The following ADGRF1 variants were observed in gnomAD, a reference collection of about 807,000 sequenced individuals.
ADGRF1 encodes the protein adhesion G protein-coupled receptor F1.
A neutral mutation model predicts 87.2 loss-of-function variants in ADGRF1; 85 were observed. The observed-to-expected ratio is 0.97, with a 90% CI of 0.82 to 1.17. ADGRF1 has a LOEUF of 1.17. Ranked by LOEUF, ADGRF1 falls within the 50% of genes most tolerant of loss-of-function variation. The pLI, the probability that ADGRF1 is intolerant of heterozygous loss-of-function variation, is 0.00. For missense variants in ADGRF1, 1,169 were observed against 1,077.2 expected (o/e 1.09, Z -1.19); for synonymous variants, 430 against 408.8 (o/e 1.05, Z -0.63).
intron 1 of ADGRF1, among the ~76,000 whole-genome samples, chr6:47,032,517 A>G (rs1275772439): frequency 6.6e-6 from 1 of 152,240 alleles, no homozygotes; most frequent in African/African-American, 2.4e-5. Flanking sequence ...AAGGTGGGAA[A>G]AAATGAAATC....
intron 9 of ADGRF1, chr6:47,012,629 G>C (rs973722400): frequency 2.0e-6 from 2 of 988,658 alleles, no homozygotes; most frequent in African/African-American, 3.5e-5. Flanking sequence ...AGCGGAAAAT[G>C]TTAGGGTAGG....
chr6:47,038,422 T>G (rs564019163), intron 1 of ADGRF1, among the ~76,000 whole-genome samples: 2 of 152,362 alleles, frequency 1.3e-5, no homozygotes, highest in South Asian at 4.1e-4. Context: ...ACCACCTTGA[T>G]AATTCTTTAT....
At chr6:47,022,979 T>C (rs1780111895) in intron 5 of ADGRF1, among the ~76,000 whole-genome samples, 1 of 151,792 alleles carries the variant, frequency 6.6e-6, no homozygotes, top group Non-Finnish European at 1.5e-5. Flanking sequence ...AAATAGCTAA[T>C]TTTTGTATTT....
intron 13 of ADGRF1, among the ~76,000 whole-genome samples, chr6:47,003,952 T>C (rs917756723): frequency 6.6e-6 from 1 of 152,188 alleles, no homozygotes; most frequent in African/African-American, 2.4e-5. Context: ...GTACTTCCTG[T>C]GTCAAGCTAA....
chr6:47,012,429 A>G (rs1041704635), intron 9 of ADGRF1: 3 of 688,412 alleles, frequency 4.4e-6, no homozygotes, highest in African/African-American at 1.9e-5. Flanking sequence ...TGAGGGAGGT[A>G]CCATTATTAT....
intron 9 of ADGRF1, chr6:47,013,267 G>A: frequency 1.0e-6 from 1 of 985,418 alleles, no homozygotes; most frequent in Non-Finnish European, 1.2e-6. Flanking sequence ...CCTGGGATCT[G>A]CCTGGAGCGA....
At chr6:47,014,278 C>T in intron 9 of ADGRF1, 1 of 988,310 alleles carries the variant, frequency 1.0e-6, no homozygotes, top group Non-Finnish European at 1.2e-6. Context: ...GCCCTAATTT[C>T]TGGTATAGAT....
At chr6:47,001,014 A>T (rs1191727093) in intron 14 of ADGRF1, among the ~76,000 whole-genome samples, 1 of 152,228 alleles carries the variant, frequency 6.6e-6, no homozygotes. Flanking sequence ...TGCATGTCAC[A>T]GGTGGAGGAG....
chr6:47,030,391 A>T (rs1582185568), intron 1 of ADGRF1, among the ~76,000 whole-genome samples: 1 of 152,174 alleles, frequency 6.6e-6, no homozygotes, highest in African/African-American at 2.4e-5. Flanking sequence ...ATTCTTTGGC[A>T]GCAGCCTGGG....
At position 47,016,784 on chromosome 6, in the gene ADGRF1, G is replaced by A. The variant is rs1269208071; in HGVS notation, c.612-16C>T. The A allele has an allele frequency of 6.4e-7, 1 of 1,559,438 alleles. No individual in the cohort carries two copies. The highest frequency in any genetic ancestry group is 2.3e-5 in the East Asian group (1 of 43,724). ...GCTTCCATTTCTGCAGTGATTATGGGGAAAGAGAAATGAGATTCACTACTT... is the reference window on the plus strand; with the variant it reads ...GCTTCCATTTCTGCAGTGATTATGGAGAAAGAGAAATGAGATTCACTACTT... On this transcript the variant is annotated splice_polypyrimidine_tract_variant and intron_variant, in intron 7 of 14. Transcript: ENST00000371253.
rs560815047 is a variant in ADGRF1 at position 47,014,652 on chromosome 6, G to A, written c.927+29C>T. 1.1e-5 allele frequency: 17 copies of A among 1,603,110 alleles called. No homozygotes were observed. The South Asian group carries it at 1.9e-4, about 18-fold the overall frequency. On this transcript the variant is annotated intron_variant, in intron 9 of 14. Transcript: ENST00000371253. The stretch of plus-strand genomic sequence containing the variant: ...TTGCCACTCTGAAACTCAAGACCAG[G>A]GCAAGTCTACACAGTGAAAATGCCT...
At chr6:47,014,623 G>A in intron 9 of ADGRF1, 58 bp downstream of exon 9, 7 of 1,583,744 alleles carry the variant, frequency 4.4e-6, no homozygotes, top group Non-Finnish European at 6.0e-6. Flanking sequence ...TGCTCACTGG[G>A]ATATTGCCAC....
chr6:47,022,173 A>G (rs930277791), intron 5 of ADGRF1, 115 bp from the exon 6 acceptor site: 1 of 615,548 alleles, frequency 1.6e-6, no homozygotes, highest in Non-Finnish European at 2.8e-6. Context: ...GATGTTTCAA[A>G]TTTTTTTCAT....
In ADGRF1 at chr6:47,031,331, TTCTCTCTCTCTCTCTCTCTGTCTCTCTC is replaced by T. The variant is rs1365530090; in HGVS notation, c.-43-2255_-43-2228del. The stretch of plus-strand genomic sequence containing the variant: ...CTGTCTCTCTGTCTCTCTCTCTCTC[TTCTCTCTCTCTCTCTCTCTGTCTCTCTC>T]TCTCTCTCTCTCTCTCTCTCTCTCT... On this transcript the variant is annotated intron_variant, in intron 1 of 14. Coordinates refer to ENST00000371253, the MANE Select transcript of ADGRF1 (RefSeq NM_153840.4). Among the ~76,000 whole-genome samples the T allele has an allele frequency of 2.0e-3, 263 of 128,330 alleles. 1 individual carries two copies. Among genetic ancestry groups the T allele is most frequent in the African/African-American group, 7.0e-3 (238 of 34,174 alleles). 84.2% of individuals were successfully genotyped at this position (128,330 alleles called of 152,430 possible).
chr6:47,030,832 G>A (rs1286808600), intron 1 of ADGRF1, among the ~76,000 whole-genome samples: 5 of 151,552 alleles, frequency 3.3e-5, no homozygotes, highest in East Asian at 2.0e-4. Context: ...GCATGATCTC[G>A]GCTCACTGCA....
chr6:47,019,695 A>G (rs985184753), intron 7 of ADGRF1: 21 of 935,966 alleles, frequency 2.2e-5, no homozygotes, highest in South Asian at 4.9e-5. Flanking sequence ...AAAAAAAAAA[A>G]AAAAGAAAAG....
rs1779264191 is a variant in ADGRF1 at position 46,998,207 on chromosome 6, G to T, written c.*2015C>A. ...AGGGCTGCCTTCACATGGTGTCAGG[G>T]TTCTCTGGATAGTAATTGTGTGTAA... On this transcript the variant is annotated 3_prime_UTR_variant, in exon 15 of 15. Transcript: ENST00000371253. 6.6e-6 allele frequency: 1 copy of T among 152,190 alleles called. No individual in the cohort carries two copies. The highest frequency in any genetic ancestry group is 6.5e-5 in the Admixed American group (1 of 15,282). The allele number at this position is 152,190 out of a possible 1,614,324, so 9.4% of individuals were successfully genotyped here. A position where few individuals can be genotyped will look rare whatever the true frequency, so the allele number is the denominator to read the frequency against.
Position 47,016,626 on chromosome 6 carries a change from A to T in ADGRF1, c.754T>A (p.Phe252Ile), listed in dbSNP as rs776308796. Residue 252 changes from phenylalanine to isoleucine, a missense_variant, in exon 8 of 15, where the codon TTC (phenylalanine) becomes ATC (isoleucine). Phe to Ile is a conservative substitution (Grantham distance 21, BLOSUM62 0). Transcript: ENST00000371253. ...FPLEDGSFRV[F>I]GKAQCNDIVF... is the part of the protein sequence containing the mutation. Reference sequence around the variant, plus strand: ...GGGAATCCAGCATTACCTTTTCCGAACACTCTGAAAGAGCCGTCTTCTAAT... The same window carrying T: ...GGGAATCCAGCATTACCTTTTCCGATCACTCTGAAAGAGCCGTCTTCTAAT... 1.9e-6 allele frequency: 3 copies of T among 1,603,714 alleles called. No homozygotes were observed. In the South Asian group the frequency reaches 3.3e-5, roughly 18 times the overall value.
rs1460159740 is a variant in ADGRF1 at position 47,009,764 on chromosome 6, G to A, written c.1671C>T (p.Asp557=). The change falls in exon 11 of 15, where the codon GAC becomes GAT. Residue 557 remains aspartate (D), a synonymous_variant. Coordinates refer to ENST00000371253, the MANE Select transcript of ADGRF1 (RefSeq NM_153840.4). ...AGCHLVNETQ[D]IVTCQCTHLT... ...AGTGAGTACATTGGCACGTCACGAT[G>A]TCTTGAGTTTCATTCACTAGGTGGC... 2 of 1,614,184 alleles carry A rather than the reference G, an allele frequency of 1.2e-6. No homozygotes were observed. The highest frequency in any genetic ancestry group is 1.7e-5 in the Admixed American group (1 of 60,022).
Sources: allele counts gnomAD v4.1 joint callset (sites outside exome capture counted in the v4.1 genomes callset), GRCh38; gene constraint gnomAD v4.1.1; transcripts MANE v1.5; gene names NCBI Gene and HGNC (gene_info 2026-07-23, HGNC 2026-07-21).